Variants in KLF12 observed in about 807,000 individuals in gnomAD.
The protein encoded by KLF12 is KLF transcription factor 12, also known as Krueppel-like factor 12.
A neutral mutation model predicts 37.8 loss-of-function variants in KLF12; 9 were observed. The ratio of observed to expected loss-of-function variants is 0.24; its 90% CI spans 0.14 to 0.42. The LOEUF (loss-of-function observed/expected upper bound fraction) is 0.42, where lower values mean the gene tolerates loss of function less well. KLF12 is among the 10% of genes least tolerant of loss of function. The pLI is 1.00. For missense variants in KLF12, 411 were observed against 516.0 expected, an observed-to-expected ratio of 0.80 and a Z score of 1.97; for synonymous variants, 208 against 202.1, an observed-to-expected ratio of 1.03 and a Z score of -0.25.
At chr13:73,901,562 T>C (rs964792060) in intron 3 of KLF12, among the ~76,000 whole-genome samples, 4 of 152,046 alleles carry the variant, frequency 2.6e-5, no homozygotes, top group Non-Finnish European at 5.9e-5. Flanking sequence ...TTATAAATGA[T>C]TGTGGTCCTT....
At chr13:74,076,782 C>T (rs1016342460) in intron 1 of KLF12, among the ~76,000 whole-genome samples, 4 of 152,118 alleles carry the variant, frequency 2.6e-5, no homozygotes, top group Admixed American at 2.6e-4. Flanking sequence ...TCTTTCTGCT[C>T]CTCTCCCTCC....
chr13:74,137,737 C>CT (rs1360443870), upstream of KLF12, among the ~76,000 whole-genome samples: 2 of 151,930 alleles, frequency 1.3e-5, no homozygotes, highest in Non-Finnish European at 2.9e-5. Context: ...TTAGAAAAAT[C>CT]TTTTTTTATT....
the KLF12 span, among the ~76,000 whole-genome samples, chr13:74,290,200 C>T: frequency 6.6e-6 from 1 of 152,124 alleles, no homozygotes; most frequent in Non-Finnish European, 1.5e-5. Flanking sequence ...CAAGTTTAGT[C>T]TCTGCAGCCG....
intron 2 of KLF12, among the ~76,000 whole-genome samples, chr13:73,955,201 A>T (rs1890795176): frequency 6.6e-6 from 1 of 152,226 alleles, no homozygotes; most frequent in East Asian, 1.9e-4. Flanking sequence ...AATTAGTAAT[A>T]GCAGTAATAG....
At chr13:74,102,055 T>C (rs1876380143) in intron 1 of KLF12, among the ~76,000 whole-genome samples, 1 of 151,316 alleles carries the variant, frequency 6.6e-6, no homozygotes. Context: ...CTGTCTCTAC[T>C]AAAAATACAA....
intron 2 of KLF12, among the ~76,000 whole-genome samples, chr13:73,959,455 A>C (rs1890952313): frequency 6.6e-6 from 1 of 151,706 alleles, no homozygotes; most frequent in Admixed American, 6.6e-5. Flanking sequence ...TGCTAGATAA[A>C]ATGTAAGGTC....
chr13:74,243,764 G>T, the KLF12 span, among the ~76,000 whole-genome samples: 1 of 152,092 alleles, frequency 6.6e-6, no homozygotes, highest in Non-Finnish European at 1.5e-5. Flanking sequence ...CTTTAAGGAG[G>T]TATCATTTGT....
intron 6 of KLF12, among the ~76,000 whole-genome samples, chr13:73,735,142 A>G (rs1418378937): frequency 1.3e-5 from 2 of 151,236 alleles, no homozygotes; most frequent in Non-Finnish European, 3.0e-5. Flanking sequence ...AAAAAAAAAA[A>G]AAAAAAAAGC....
At chr13:73,924,344 T>C (rs191145251) in intron 3 of KLF12, among the ~76,000 whole-genome samples, 2,909 of 152,318 alleles carry the variant, frequency 0.019, 45 homozygotes, top group Non-Finnish European at 0.029. Context: ...TCCAACAGCA[T>C]GTGCTCACTT....
the KLF12 span, among the ~76,000 whole-genome samples, chr13:74,174,364 G>A: frequency 7.6e-6 from 1 of 132,112 alleles, no homozygotes; most frequent in Non-Finnish European, 1.5e-5. Context: ...ATGGAGTCTC[G>A]CTCTGTTGCC....
chr13:73,896,257 G>A (rs1887764145), intron 3 of KLF12, among the ~76,000 whole-genome samples: 1 of 152,220 alleles, frequency 6.6e-6, no homozygotes, highest in South Asian at 2.1e-4. Context: ...TCATGTTCAT[G>A]ATGACTCAGA....
At chr13:73,920,186 T>G (rs1468760265) in intron 3 of KLF12, among the ~76,000 whole-genome samples, 1 of 152,198 alleles carries the variant, frequency 6.6e-6, no homozygotes, top group African/African-American at 2.4e-5. Context: ...TAAACATACT[T>G]CATGTATAAA....
At chr13:74,166,954 A>C in the KLF12 span, among the ~76,000 whole-genome samples, 1 of 152,234 alleles carries the variant, frequency 6.6e-6, no homozygotes, top group Non-Finnish European at 1.5e-5. Flanking sequence ...TGTCTTCAGA[A>C]ATATTTGTGA....
intron 2 of KLF12, among the ~76,000 whole-genome samples, chr13:73,951,058 G>T (rs1890628209): frequency 6.6e-6 from 1 of 152,188 alleles, no homozygotes; most frequent in South Asian, 2.1e-4. Flanking sequence ...CAGCAGGCAG[G>T]CCTCATAGAC....
At chr13:74,187,328 GA>G in the KLF12 span, among the ~76,000 whole-genome samples, 760 of 132,562 alleles carry the variant, frequency 5.7e-3, 4 homozygotes, top group African/African-American at 0.018. Context: ...TGTCTCAAAA[GA>G]AAAAAAAAAA....
intron 3 of KLF12, among the ~76,000 whole-genome samples, chr13:73,868,171 G>T (rs939580480): frequency 6.6e-6 from 1 of 151,246 alleles, no homozygotes; most frequent in Non-Finnish European, 1.5e-5. Context: ...AATTAGCCGG[G>T]CATGGTGGCA....
intron 3 of KLF12, among the ~76,000 whole-genome samples, chr13:73,930,860 A>ATTTTTTT (rs11432866): frequency 1.1e-4 from 12 of 109,466 alleles, no homozygotes; most frequent in Admixed American, 1.1e-4. Flanking sequence ...AACTGGAAAC[A>ATTTTTTT]TTTTTTTTTT....
chr13:73,954,797 C>A (rs1890777779), intron 2 of KLF12, among the ~76,000 whole-genome samples: 1 of 152,158 alleles, frequency 6.6e-6, no homozygotes, highest in Non-Finnish European at 1.5e-5. Context: ...CCAGATTTCC[C>A]AAATGATGTC....
At chr13:74,071,618 G>A (rs948214498) in intron 1 of KLF12, among the ~76,000 whole-genome samples, 8 of 152,130 alleles carry the variant, frequency 5.3e-5, no homozygotes, top group African/African-American at 2.4e-5. Context: ...GCGTGAACTC[G>A]GGAGGCGGAG....
Sources: allele counts gnomAD v4.1 joint callset (sites outside exome capture counted in the v4.1 genomes callset), GRCh38; gene constraint gnomAD v4.1.1; transcripts MANE v1.5; gene names NCBI Gene and HGNC (gene_info 2026-07-23, HGNC 2026-07-21).